Variants in RUBCNL observed in about 807,000 individuals in gnomAD.
RUBCNL encodes protein associated with UVRAG as autophagy enhancer.
In RUBCNL, 62 loss-of-function variants were observed where a neutral mutation model predicts 69.5. The observed-to-expected ratio is 0.89, with a 90% CI of 0.73 to 1.10. The LOEUF is 1.10. Ranked by LOEUF, RUBCNL falls within the 50% of genes least tolerant of loss-of-function variation. RUBCNL has a pLI of 0.00. For synonymous variants in RUBCNL, 291 were observed against 303.6 expected, an observed-to-expected ratio of 0.96 and a Z score of 0.43; for missense variants, 768 against 798.1, an observed-to-expected ratio of 0.96 and a Z score of 0.45.
rs1344078966 is a variant in RUBCNL at position 46,342,030 on chromosome 13, G to C, written c.*1355C>G. Reference sequence around the variant, plus strand: ...AAGTCTGGTTTTATTTATTCTATGTGCCTCTACACTTCTATAATACTTAGA... The same window carrying C: ...AAGTCTGGTTTTATTTATTCTATGTCCCTCTACACTTCTATAATACTTAGA... On this transcript the variant is annotated 3_prime_UTR_variant, in exon 15 of 15. Coordinates refer to ENST00000429979, the MANE Select transcript of RUBCNL (RefSeq NM_025113.5). The C allele has an allele frequency of 6.6e-6, 1 of 152,198 alleles. No individual in the cohort carries two copies. Among genetic ancestry groups the C allele is most frequent in the African/African-American group, 2.4e-5 (1 of 41,460 alleles). 9.4% of individuals were successfully genotyped at this position (152,198 alleles called of 1,614,324 possible).
At chr13:46,378,776 T>A (rs1288504457) in intron 1 of RUBCNL, 1 of 152,240 alleles carries the variant, frequency 6.6e-6, no homozygotes, top group Non-Finnish European at 1.5e-5. Flanking sequence ...TAGCTCCCAC[T>A]ATGTATAACA....
chr13:46,388,336 C>CAAGG (rs201163231), upstream of RUBCNL, among the ~76,000 whole-genome samples: 5,003 of 135,564 alleles, frequency 0.037, 198 homozygotes, highest in East Asian at 0.092. Context: ...GAACCTAAGC[C>CAAGG]AAGGAAGGAA....
chr13:46,363,326 G>A, intron 5 of RUBCNL, 113 bp from the exon 6 acceptor site: 1 of 389,964 alleles, frequency 2.6e-6, no homozygotes, highest in Non-Finnish European at 4.6e-6. Context: ...AAAAGTTTAA[G>A]AGAATTAAAC....
chr13:46,368,550 G>A (rs750858687), intron 4 of RUBCNL, 183 bp downstream of exon 4: 39 of 958,694 alleles, frequency 4.1e-5, no homozygotes, highest in Non-Finnish European at 4.8e-5. Context: ...CTTTCCAGCT[G>A]AGCACAGGCA....
chr13:46,388,258 AAGGC>A (rs372257587), upstream of RUBCNL, among the ~76,000 whole-genome samples: 499 of 139,328 alleles, frequency 3.6e-3, 7 homozygotes, highest in African/African-American at 0.011. Flanking sequence ...GGGAGGGAGG[AAGGC>A]AGGCAGGCAG....
Position 46,375,363 on chromosome 13 carries a change from T to C in RUBCNL, c.-123+2527A>G, listed in dbSNP as rs776498638. ...GCCTGACCAACATGGCGAAACCCCA[T>C]CTCTACTAAAAATACAAAAATTAGC... On this transcript the variant is annotated intron_variant, in intron 2 of 14. Transcript: ENST00000429979. Among the ~76,000 whole-genome samples, 117 of 152,042 alleles carry C rather than the reference T, an allele frequency of 7.7e-4. 6 individuals carry two copies. Among genetic ancestry groups the C allele is most frequent in the Non-Finnish European group, 4.4e-5 (3 of 68,010 alleles).
Position 46,361,544 on chromosome 13 carries a change from G to A in RUBCNL, c.1016C>T (p.Ala339Val). The A allele has an allele frequency of 6.2e-7, 1 of 1,607,960 alleles. No homozygotes were observed. Among genetic ancestry groups the A allele is most frequent in the South Asian group, 1.1e-5 (1 of 89,988 alleles). The change falls in exon 8 of 15, where the codon GCA becomes GTA. Residue 339 changes from alanine to valine, a missense_variant. By Grantham distance (64) the Ala-to-Val change is moderately conservative. Transcript: ENST00000429979. ...GTACAGCTCTTTGGCTAATAGTTCT[G>A]CAGAATTGAAGTCTGGCTCATAAGT... ...SVTYEPDFNSAELLAKELYRV... is the reference protein window; with the variant it reads ...SVTYEPDFNSVELLAKELYRV...
chr13:46,363,174 C>T lies in RUBCNL; in HGVS notation c.866G>A (p.Arg289His), dbSNP rs372724179. ...AATCTCTTTCACATCATGGTAAGTA[C>T]GTGTTTCAGTCACTGGGCTGACCTG... ...VLQVSPVTET[R>H]TYHDVKEICK... Residue 289 changes from arginine (R) to histidine (H), a missense_variant, in exon 6 of 15, where the codon CGT becomes CAT. Arg to His is a conservative substitution (Grantham distance 29). Transcript: ENST00000429979. The T allele has an allele frequency of 3.2e-5, 51 of 1,599,164 alleles. No individual in the cohort carries two copies. The highest frequency in any genetic ancestry group is 3.3e-4 in the Middle Eastern group (2 of 6,044).
Position 46,345,494 on chromosome 13 carries a change from G to A in RUBCNL, c.1738C>T (p.Leu580Phe), listed in dbSNP as rs764091496. Reference sequence around the variant, plus strand: ...AGGGAAGCTTTCAGAATGTCCTTGAGTAAGGGTGCCAGCAGCCCTTTCTTG... The same window carrying A: ...AGGGAAGCTTTCAGAATGTCCTTGAATAAGGGTGCCAGCAGCCCTTTCTTG... ...RIKKGLLAPLLKDILKASLAH... is the reference protein window; with the variant it reads ...RIKKGLLAPLFKDILKASLAH... The change falls in exon 13 of 15, where the codon CTC (leucine) becomes TTC (phenylalanine). Residue 580 changes from leucine to phenylalanine, a missense_variant. Transcript: ENST00000429979. The A allele has an allele frequency of 1.6e-5, 25 of 1,596,716 alleles. No homozygotes were observed. The East Asian group carries it at 4.5e-4, about 29-fold the overall frequency.
upstream of RUBCNL, chr13:46,387,641 T>C (rs939074101): frequency 1.2e-5 from 12 of 985,464 alleles, no homozygotes; most frequent in African/African-American, 1.7e-5. Flanking sequence ...ATGAGTAATC[T>C]GGATGAGTCG....
rs1334253475 is a variant in RUBCNL, at chr13:46,343,371, A to G, written c.*14T>C. ...AGGCATGTTGAACAGTCTTTTTCACAGTACTCAGGGGCATCATGTTGCTGC... is the reference window on the plus strand; with the variant it reads ...AGGCATGTTGAACAGTCTTTTTCACGGTACTCAGGGGCATCATGTTGCTGC... On this transcript the variant is annotated 3_prime_UTR_variant, in exon 15 of 15. Coordinates refer to ENST00000429979, the MANE Select transcript of RUBCNL (RefSeq NM_025113.5). 3 of 1,611,366 alleles carry G rather than the reference A, an allele frequency of 1.9e-6. No individual in the cohort carries two copies. The highest frequency in any genetic ancestry group is 2.2e-5 in the East Asian group (1 of 44,868).
intron 9 of RUBCNL, among the ~76,000 whole-genome samples, chr13:46,357,472 A>C (rs1702408609): frequency 6.6e-6 from 1 of 152,108 alleles, no homozygotes; most frequent in Non-Finnish European, 1.5e-5. Flanking sequence ...CATGTTATAC[A>C]AGGAAGACAG....
At chr13:46,362,675 C>G in intron 6 of RUBCNL, 77 bp from the exon 7 acceptor site, 1 of 964,352 alleles carries the variant, frequency 1.0e-6, no homozygotes, top group Non-Finnish European at 1.6e-6. Context: ...TATAAGAACA[C>G]TAAAATCACT....
At chr13:46,351,458 T>G (rs2048366452) in intron 10 of RUBCNL, among the ~76,000 whole-genome samples, 1 of 152,212 alleles carries the variant, frequency 6.6e-6, no homozygotes. Context: ...AATTCTCACA[T>G]GTGTAACAGT....
chr13:46,387,274 G>A (rs1370322725), upstream of RUBCNL: 4 of 985,340 alleles, frequency 4.1e-6, no homozygotes, highest in African/African-American at 7.0e-5. Flanking sequence ...CTACCGAGGA[G>A]GGGACAGCGA....
intron 10 of RUBCNL, 28 bp downstream of exon 10, chr13:46,356,403 TA>T: frequency 6.2e-7 from 1 of 1,610,568 alleles, no homozygotes; most frequent in Non-Finnish European, 8.5e-7. Context: ...CATCACATCA[TA>T]AGCAGGCGAT....
At chr13:46,354,313 T>C (rs1310792176) in intron 10 of RUBCNL, among the ~76,000 whole-genome samples, 1 of 152,182 alleles carries the variant, frequency 6.6e-6, no homozygotes, top group African/African-American at 2.4e-5. Flanking sequence ...CCCATGCTAA[T>C]TTCTCAGGTT....
intron 8 of RUBCNL, among the ~76,000 whole-genome samples, chr13:46,360,667 C>T (rs1181495427): frequency 6.6e-6 from 1 of 152,236 alleles, no homozygotes; most frequent in Non-Finnish European, 1.5e-5. Flanking sequence ...AAATTAAACA[C>T]TCCTTCCTCT....
intron 5 of RUBCNL, among the ~76,000 whole-genome samples, chr13:46,366,549 A>G (rs977543382): frequency 1.3e-5 from 2 of 152,174 alleles, no homozygotes; most frequent in African/African-American, 4.8e-5. Context: ...AGACAAAACA[A>G]CCCTTTTAAT....
Sources: gnomAD v4.1 joint callset for allele counts (sites outside exome capture counted in the v4.1 genomes callset) on GRCh38, gnomAD v4.1.1 for gene constraint, MANE v1.5 for transcripts, NCBI Gene and HGNC (gene_info 2026-07-23, HGNC 2026-07-21) for gene names.